ZNF814: variants seen among roughly 807,000 people sequenced by gnomAD.
ZNF814 encodes zinc finger protein 814.
Under a neutral mutation model 7.5 loss-of-function variants are expected in ZNF814, and 5 were observed. The observed-to-expected ratio is 0.67, with a 90% confidence interval of 0.35 to 1.40. The LOEUF is 1.40. ZNF814 is among the 40% of genes most tolerant of loss of function. The pLI, the probability that ZNF814 is intolerant of heterozygous loss-of-function variation, is 0.04. For synonymous variants in ZNF814, 315 were observed against 340.7 expected (o/e 0.92, Z 0.83); for missense variants, 962 against 1,018.0 (o/e 0.94, Z 0.75).
chr19:57,899,382 A>G, the ZNF814 span, among the ~76,000 whole-genome samples: 1 of 152,226 alleles, frequency 6.6e-6, no homozygotes, highest in Non-Finnish European at 1.5e-5. Flanking sequence ...CTGCAGGACT[A>G]ATCATAGCCC....
rs760429161 is a variant in ZNF814 at position 57,873,541 on chromosome 19, G to A, written c.1849C>T (p.Arg617Cys). ...ATGCGCTGATGGTGAACAAGGCTGC[G>A]CTTATGACTAAAAGATTTCCCACAT... is the stretch of plus-strand genomic sequence containing the variant. ...GECGKSFSHKRSLVHHQRMHT... is the reference protein window; with the variant it reads ...GECGKSFSHKCSLVHHQRMHT... The change falls in exon 3 of 3, where the codon CGC becomes TGC. Residue 617 changes from arginine to cysteine, a missense_variant. By Grantham distance (180) the Arg-to-Cys change is radical. Transcript: ENST00000435989. 2.1e-5 allele frequency: 34 copies of A among 1,613,810 alleles called. No homozygotes were observed. Among genetic ancestry groups the A allele is most frequent in the Middle Eastern group, 1.6e-4 (1 of 6,062 alleles).
At chr19:57,892,525 A>T (rs1007430495), upstream of ZNF814, among the ~76,000 whole-genome samples, 6 of 152,186 alleles carry the variant, frequency 3.9e-5, no homozygotes, top group South Asian at 2.1e-4. Flanking sequence ...TTGGCTAGGA[A>T]TGGGTTTGGC....
At chr19:57,879,247 C>G (rs1253902021) in intron 1 of ZNF814, among the ~76,000 whole-genome samples, 1 of 151,356 alleles carries the variant, frequency 6.6e-6, no homozygotes, top group Non-Finnish European at 1.5e-5. Flanking sequence ...GTGGCTTCAG[C>G]TATCCATGAC....
At chr19:57,875,449 A>C (rs752676453) in intron 2 of ZNF814, among the ~76,000 whole-genome samples, 43 of 152,236 alleles carry the variant, frequency 2.8e-4, no homozygotes, top group South Asian at 1.5e-3. Context: ...ATGTATGTAA[A>C]ACAGGGAGTA....
At chr19:57,897,191 C>CTAATACAGAG in the ZNF814 span, among the ~76,000 whole-genome samples, 1 of 152,050 alleles carries the variant, frequency 6.6e-6, no homozygotes, top group Non-Finnish European at 1.5e-5. Flanking sequence ...TATGAAAATG[C>CTAATACAGAG]TAATACAGAG....
At chr19:57,887,196 C>T (rs10410028) in intron 1 of ZNF814, among the ~76,000 whole-genome samples, 28,289 of 152,146 alleles carry the variant, frequency 0.19, 4,825 homozygotes, top group African/African-American at 0.46. Context: ...CTCAAGAAAA[C>T]AAAACAAAAT....
chr19:57,874,828 G>T lies in ZNF814; in HGVS notation c.562C>A (p.Gln188Lys), dbSNP rs1368855890. The change falls in exon 3 of 3, where the codon CAG becomes AAG. Residue 188 changes from glutamine to lysine, a missense_variant. By Grantham distance (53) the Gln-to-Lys change is moderately conservative. This residue lies in a region of ZNF814 where 126 missense variants were observed against 123.5 expected (regional missense o/e 1.02). Coordinates refer to ENST00000435989, the MANE Select transcript of ZNF814 (RefSeq NM_001144989.2). ...TTCTCCCCAGTGTGACTGGCCTCCTGCTGGAGTAATCCTGACCTGGGCAAA... is the reference window on the plus strand; with the variant it reads ...TTCTCCCCAGTGTGACTGGCCTCCTTCTGGAGTAATCCTGACCTGGGCAAA... ...DFLPRSGLLQQEASHTGEKSN... is the reference protein window; with the variant it reads ...DFLPRSGLLQKEASHTGEKSN... The T allele has an allele frequency of 6.2e-7, 1 of 1,613,978 alleles. No individual in the cohort carries two copies. The highest frequency in any genetic ancestry group is 1.3e-5 in the African/African-American group (1 of 74,918).
In ZNF814 at chr19:57,874,832, G is replaced by C. The variant is rs763380088; in HGVS notation, c.558C>G (p.Leu186=). 19 of 1,613,984 alleles carry C rather than the reference G, an allele frequency of 1.2e-5. No homozygotes were observed. Among genetic ancestry groups the C allele is most frequent in the East Asian group, 2.2e-5 (1 of 44,896 alleles). The change falls in exon 3 of 3, where the codon CTC becomes CTG. Residue 186 remains leucine (L), a synonymous_variant. Transcript: ENST00000435989. ...GKDFLPRSGL[L]QQEASHTGEK... is the part of the protein sequence containing the mutation. ...CCCCAGTGTGACTGGCCTCCTGCTG[G>C]AGTAATCCTGACCTGGGCAAAAAGT...
upstream of ZNF814, among the ~76,000 whole-genome samples, chr19:57,891,524 CAAAAAAAAAAA>C (rs557386723): frequency 2.0e-4 from 24 of 119,564 alleles, no homozygotes; most frequent in Admixed American, 6.9e-4. Flanking sequence ...GACTCCGCCT[CAAAAAAAAAAA>C]AAAATCAAGA....
At position 57,873,834 on chromosome 19, in the gene ZNF814, G is replaced by C. The variant is rs760772801; in HGVS notation, c.1556C>G (p.Pro519Arg). 1.0e-4 allele frequency: 169 copies of C among 1,613,692 alleles called. No homozygotes were observed. The highest frequency in any genetic ancestry group is 1.8e-4 in the Admixed American group (11 of 59,970). Residue 519 changes from proline (P) to arginine (R), a missense_variant, in exon 3 of 3, where the codon CCT becomes CGT. Physicochemically the swap from Pro to Arg is moderately radical, Grantham distance 103. Transcript: ENST00000435989. ...TTTCCCACATTCTCCACACTCATAA[G>C]GTCTTGCTCCAGTGTGAACTCGCTG... ...LHQRVHTGAR[P>R]YECGECGKSF...
Position 57,874,099 on chromosome 19 carries a change from T to G in ZNF814, c.1291A>C (p.Thr431Pro), listed in dbSNP as rs770403867. ...SSLIQHQRFH[T>P]GEKPYGCEEC... ...TCACACCCATAAGGTTTTTCTCCAGTGTGAAATCGCTGATGTTGAATGAGG... is the reference window on the plus strand; with the variant it reads ...TCACACCCATAAGGTTTTTCTCCAGGGTGAAATCGCTGATGTTGAATGAGG... The change falls in exon 3 of 3, where the codon ACT (threonine) becomes CCT (proline). Residue 431 changes from threonine (T) to proline (P), a missense_variant. This residue lies in a region of ZNF814 where 665 missense variants were observed against 551.4 expected (regional missense o/e 1.21). Transcript: ENST00000435989. 1.0e-5 allele frequency: 16 copies of G among 1,602,664 alleles called. No homozygotes were observed.
intron 1 of ZNF814, among the ~76,000 whole-genome samples, chr19:57,887,884 C>T (rs1327068735): frequency 6.6e-6 from 1 of 152,178 alleles, no homozygotes; most frequent in African/African-American, 2.4e-5. Context: ...ACACCTGGTA[C>T]CTTGCCTTTT....
At chr19:57,900,839 A>T in the ZNF814 span, among the ~76,000 whole-genome samples, 85 of 45,766 alleles carry the variant, frequency 1.9e-3, no homozygotes, top group South Asian at 2.9e-3. Flanking sequence ...CCATGGCTGC[A>T]TTTTTTTTTT....
chr19:57,883,045 T>C (rs760234701), intron 1 of ZNF814, among the ~76,000 whole-genome samples: 17 of 152,176 alleles, frequency 1.1e-4, no homozygotes, highest in Non-Finnish European at 2.2e-4. Flanking sequence ...CAGATAAATT[T>C]GGCAAAGAAA....
At chr19:57,877,468 AG>A (rs997790099) in intron 1 of ZNF814, among the ~76,000 whole-genome samples, 11 of 152,114 alleles carry the variant, frequency 7.2e-5, no homozygotes, top group African/African-American at 2.7e-4. Flanking sequence ...TGTTTGAGAC[AG>A]AGTCTCACTC....
rs887432373 is a variant in ZNF814, at chr19:57,871,148, A to G, written c.*1674T>C. The G allele has an allele frequency of 6.6e-6, 1 of 152,194 alleles. No homozygotes were observed. The highest frequency in any genetic ancestry group is 2.4e-5 in the African/African-American group (1 of 41,452). The allele number at this position is 152,194 out of a possible 1,614,324, so 9.4% of individuals were successfully genotyped here. ...TCTGGATATCAGGGCATGTGTCTGC[A>G]TTGCAAGAGCTGGGCAACAGACTTC... On this transcript the variant is annotated 3_prime_UTR_variant, in exon 3 of 3. Coordinates refer to ENST00000435989, the MANE Select transcript of ZNF814 (RefSeq NM_001144989.2).
chr19:57,897,658 ATC>A, the ZNF814 span, among the ~76,000 whole-genome samples: 2 of 152,188 alleles, frequency 1.3e-5, no homozygotes, highest in South Asian at 2.1e-4. Flanking sequence ...GCTGCCATGT[ATC>A]TCTGCAGCAC....
chr19:57,893,641 G>A (rs935458488), upstream of ZNF814, among the ~76,000 whole-genome samples: 6 of 152,038 alleles, frequency 3.9e-5, no homozygotes, highest in East Asian at 3.9e-4. Flanking sequence ...AGTCATGGCC[G>A]GGTGCGGGGG....
intron 2 of ZNF814, among the ~76,000 whole-genome samples, chr19:57,875,943 C>CTGTTTT: frequency 1.4e-5 from 1 of 71,436 alleles, no homozygotes; most frequent in East Asian, 4.0e-4. Flanking sequence ...CAGGGTGCCG[C>CTGTTTT]TTTTTTTTTT....
Sources: gnomAD v4.1 joint callset for allele counts (sites outside exome capture counted in the v4.1 genomes callset) on GRCh38, gnomAD v4.1.1 for gene constraint, gnomAD v4.1.1 regional missense constraint, MANE v1.5 for transcripts, NCBI Gene and HGNC (gene_info 2026-07-23, HGNC 2026-07-21) for gene names.